Variants in LGR5 observed in about 807,000 individuals in gnomAD.
LGR5 encodes the protein leucine-rich repeat-containing G protein-coupled receptor 5.
Under a neutral mutation model 76.7 loss-of-function variants are expected in LGR5, and 54 were observed. The observed-to-expected ratio is 0.70, with a 90% confidence interval of 0.57 to 0.88. LGR5 has a LOEUF of 0.88. Ranked by LOEUF, LGR5 falls within the 40% of genes least tolerant of loss-of-function variation. The probability of loss-of-function intolerance (pLI) is 0.00; values close to 1 mark genes in which losing one functional copy is unlikely to be tolerated. For missense variants in LGR5, 1,078 were observed against 1,073.3 expected, an observed-to-expected ratio of 1.00 and a Z score of -0.06; for synonymous variants, 406 against 421.9, an observed-to-expected ratio of 0.96 and a Z score of 0.46.
At chr12:71,503,664 G>A (rs1361739264) in intron 1 of LGR5, among the ~76,000 whole-genome samples, 1 of 152,158 alleles carries the variant, frequency 6.6e-6, no homozygotes, top group Non-Finnish European at 1.5e-5. Context: ...CTTTTCTCAA[G>A]ATAAATTTTA....
In LGR5 at chr12:71,560,989, T is replaced by C. The variant is rs1008526928; in HGVS notation, c.786-792T>C. 3.3e-5 allele frequency among the ~76,000 whole-genome samples: 5 copies of C among 152,224 alleles called. No individual in the cohort carries two copies. In the South Asian group the frequency reaches 8.3e-4, roughly 25 times the overall value. On this transcript the variant is annotated intron_variant, in intron 7 of 17. Coordinates refer to ENST00000266674, the MANE Select transcript of LGR5 (RefSeq NM_003667.4). ...ATAAAATTTAATTAGCTTTTTCATATCTAAAAAGATAAATAATCTATGTTA... is the reference window on the plus strand; with the variant it reads ...ATAAAATTTAATTAGCTTTTTCATACCTAAAAAGATAAATAATCTATGTTA...
chr12:71,442,245 A>G (rs907418738), intron 1 of LGR5, among the ~76,000 whole-genome samples: 1 of 152,152 alleles, frequency 6.6e-6, no homozygotes, highest in African/African-American at 2.4e-5. Flanking sequence ...TCTGCTTTAA[A>G]CCATTTCCCA....
In LGR5 at chr12:71,445,310, C is replaced by T. The variant is rs183801213; in HGVS notation, c.212+5018C>T. ...AGATGAATCAGACTGGCACTAAAGC[C>T]ACAACTGGTATATTACAAATAAAAC... On this transcript the variant is annotated intron_variant, in intron 1 of 17. Transcript: ENST00000266674. 4.1e-3 allele frequency among the ~76,000 whole-genome samples: 622 copies of T among 152,260 alleles called. 7 individuals carry two copies. The highest frequency in any genetic ancestry group is 0.014 in the African/African-American group (594 of 41,538).
At chr12:71,541,209 T>C (rs1470195766) in intron 4 of LGR5, among the ~76,000 whole-genome samples, 2 of 152,204 alleles carry the variant, frequency 1.3e-5, no homozygotes, top group African/African-American at 4.8e-5. Flanking sequence ...TTCTACATAA[T>C]GTTTACAAGA....
At chr12:71,547,457 A>T (rs1482480116) in intron 4 of LGR5, among the ~76,000 whole-genome samples, 2 of 152,226 alleles carry the variant, frequency 1.3e-5, no homozygotes, top group Non-Finnish European at 2.9e-5. Context: ...TAAATTTTTA[A>T]AGGGAAAAAT....
In LGR5 at chr12:71,584,247, A is replaced by C. The variant is rs1879222465; in HGVS notation, c.2237A>C (p.Lys746Thr). 1 of 1,614,122 alleles carries C rather than the reference A, an allele frequency of 6.2e-7. No homozygotes were observed. Among genetic ancestry groups the C allele is most frequent in the South Asian group, 1.1e-5 (1 of 91,082 alleles). ...CTCATGATGACCATTGCCTACACCA[A>C]GCTCTACTGCAATTTGGACAAGGGA... ...CFLMMTIAYT[K>T]LYCNLDKGDL... The change falls in exon 18 of 18, where the codon AAG becomes ACG. Residue 746 changes from lysine (K) to threonine (T), a missense_variant. Lys to Thr is a moderately conservative substitution (Grantham distance 78, BLOSUM62 -1). Coordinates refer to ENST00000266674, the MANE Select transcript of LGR5 (RefSeq NM_003667.4).
intron 1 of LGR5, among the ~76,000 whole-genome samples, chr12:71,480,360 CA>C (rs59288333): frequency 0.19 from 15,113 of 80,322 alleles, 1,097 homozygotes; most frequent in African/African-American, 0.34. Context: ...GACTCTGTCT[CA>C]AAAAAAAAAA....
In LGR5 at chr12:71,585,287, A is replaced by G. The variant is rs1480729254; in HGVS notation, c.*553A>G. The G allele has an allele frequency of 6.5e-6, 1 of 154,566 alleles. No homozygotes were observed. The highest frequency in any genetic ancestry group is 1.4e-5 in the Non-Finnish European group (1 of 69,602). 9.6% of individuals were successfully genotyped at this position (154,566 alleles called of 1,614,324 possible). A position where few individuals can be genotyped will look rare whatever the true frequency, so the allele number is the denominator to read the frequency against. ...AATCCTTCTAAGGCACAAATCCCTT[A>G]GATGGATAATGTAAGGTATTGTTAA... On this transcript the variant is annotated 3_prime_UTR_variant, in exon 18 of 18. Transcript: ENST00000266674.
chr12:71,471,442 T>C (rs1012634723), intron 1 of LGR5, among the ~76,000 whole-genome samples: 2 of 152,222 alleles, frequency 1.3e-5, no homozygotes, highest in Non-Finnish European at 2.9e-5. Flanking sequence ...GCAGATTATG[T>C]TGCTTACAGC....
upstream of LGR5, among the ~76,000 whole-genome samples, chr12:71,439,217 C>G (rs1208540136): frequency 6.6e-6 from 1 of 152,146 alleles, no homozygotes; most frequent in East Asian, 1.9e-4. Flanking sequence ...TAGCCTAGAG[C>G]TTTGATTTTA....
At chr12:71,567,132 C>A in intron 11 of LGR5, 1 of 535,504 alleles carries the variant, frequency 1.9e-6, no homozygotes, top group Non-Finnish European at 3.4e-6. Context: ...CCCAAACAAG[C>A]TCCCACTAGA....
chr12:71,466,223 T>C (rs1031044774), intron 1 of LGR5, among the ~76,000 whole-genome samples: 1 of 152,254 alleles, frequency 6.6e-6, no homozygotes, highest in Non-Finnish European at 1.5e-5. Flanking sequence ...ATAATCCTTC[T>C]TTCTGAATCA....
intron 2 of LGR5, among the ~76,000 whole-genome samples, chr12:71,510,686 T>C (rs1464705180): frequency 6.6e-6 from 1 of 152,144 alleles, no homozygotes; most frequent in Non-Finnish European, 1.5e-5. Context: ...CATATGATAT[T>C]TGCTAATTGT....
chr12:71,550,342 G>A (rs1474256991), intron 4 of LGR5, among the ~76,000 whole-genome samples: 1 of 150,532 alleles, frequency 6.6e-6, no homozygotes. Context: ...GTAGAGATGG[G>A]GTTTCACCGT....
intron 2 of LGR5, among the ~76,000 whole-genome samples, chr12:71,508,752 C>CAAA (rs35401076): frequency 0.023 from 640 of 28,032 alleles, 80 homozygotes; most frequent in African/African-American, 0.07. Context: ...GACTCAGTCT[C>CAAA]AAAAAAAAAA....
chr12:71,454,439 G>A (rs1872378692), intron 1 of LGR5, among the ~76,000 whole-genome samples: 1 of 152,132 alleles, frequency 6.6e-6, no homozygotes. Context: ...CAAACCAAGG[G>A]AAGCAGAAGG....
intron 1 of LGR5, among the ~76,000 whole-genome samples, chr12:71,489,565 T>G (rs546096418): frequency 2.0e-5 from 3 of 152,228 alleles, no homozygotes; most frequent in Non-Finnish European, 4.4e-5. Context: ...TCTAATCCCT[T>G]CCATTAATAT....
chr12:71,532,792 G>T (rs1406527369), intron 3 of LGR5, among the ~76,000 whole-genome samples: 2 of 149,678 alleles, frequency 1.3e-5, no homozygotes, highest in Non-Finnish European at 3.0e-5. Flanking sequence ...AAGTTCAAAT[G>T]AAGATTTTTT....
intron 1 of LGR5, among the ~76,000 whole-genome samples, chr12:71,473,654 T>C (rs1004648553): frequency 6.6e-6 from 1 of 151,266 alleles, no homozygotes; most frequent in Admixed American, 6.6e-5. Context: ...AATATAAAAA[T>C]TTAGAATTTG....
Sources: gnomAD v4.1 joint callset for allele counts (sites outside exome capture counted in the v4.1 genomes callset) on GRCh38, gnomAD v4.1.1 for gene constraint, MANE v1.5 for transcripts, NCBI Gene and HGNC (gene_info 2026-07-23, HGNC 2026-07-21) for gene names.